Variants in UNC13C observed in about 807,000 individuals in gnomAD.
UNC13C encodes the protein protein unc-13 homolog C.
A neutral mutation model predicts 245.4 loss-of-function variants in UNC13C; 174 were observed. That is an observed-to-expected ratio of 0.71 (90% CI 0.63 to 0.80). The LOEUF (loss-of-function observed/expected upper bound fraction) is 0.80, where lower values mean the gene tolerates loss of function less well. Ranked by LOEUF, UNC13C falls within the 30% of genes least tolerant of loss-of-function variation. The pLI is 0.00. For synonymous variants in UNC13C, 992 were observed against 895.1 expected, an observed-to-expected ratio of 1.11 and a Z score of -1.93; for missense variants, 2,829 against 2,602.9, an observed-to-expected ratio of 1.09 and a Z score of -1.89.
chr15:54,174,279 G>C lies in UNC13C; in HGVS notation c.3071+30595G>C, dbSNP rs544444953. ...CTGAAACATTGTTTTCTCCTTAAGT[G>C]AGATTATTTTCTTGTTAAGTGATTG... On this transcript the variant is annotated intron_variant, in intron 4 of 32. Coordinates refer to ENST00000260323, the MANE Select transcript of UNC13C (RefSeq NM_001080534.3). 6.6e-4 allele frequency among the ~76,000 whole-genome samples: 101 copies of C among 152,186 alleles called. 1 individual carries two copies. Among genetic ancestry groups the C allele is most frequent in the African/African-American group, 2.4e-3 (99 of 41,530 alleles).
intron 2 of UNC13C, chr15:54,049,262 G>A (rs1897172325): frequency 5.7e-6 from 3 of 526,398 alleles, no homozygotes; most frequent in Non-Finnish European, 1.1e-5. Flanking sequence ...TGTGCATTCA[G>A]AATATGTGTT....
At chr15:54,366,180 T>G (rs1262136300) in intron 17 of UNC13C, among the ~76,000 whole-genome samples, 1 of 152,210 alleles carries the variant, frequency 6.6e-6, no homozygotes, top group East Asian at 1.9e-4. Flanking sequence ...ATTATGGTTA[T>G]TCTGTTATTT....
chr15:54,596,362 C>T (rs898654895), intron 30 of UNC13C, among the ~76,000 whole-genome samples: 1 of 151,458 alleles, frequency 6.6e-6, no homozygotes, highest in Non-Finnish European at 1.5e-5. Context: ...ACTATGGAGG[C>T]CAGCTTTGTT....
At chr15:54,219,844 A>C (rs2035166392) in intron 4 of UNC13C, among the ~76,000 whole-genome samples, 1 of 151,654 alleles carries the variant, frequency 6.6e-6, no homozygotes, top group Admixed American at 6.6e-5. Context: ...CACATGAAAA[A>C]ATGCTCATCA....
intron 19 of UNC13C, among the ~76,000 whole-genome samples, chr15:54,479,449 A>C (rs193231531): frequency 6.6e-6 from 1 of 152,008 alleles, no homozygotes; most frequent in Non-Finnish European, 1.5e-5. Flanking sequence ...CTTCACATTC[A>C]GTCTATATGT....
At chr15:54,285,998 C>T (rs1325409065) in intron 10 of UNC13C, among the ~76,000 whole-genome samples, 1 of 152,084 alleles carries the variant, frequency 6.6e-6, no homozygotes, top group East Asian at 1.9e-4. Context: ...CTGCCTTAGC[C>T]TCCTGAGTAG....
chr15:54,109,685 C>T (rs1192431883), intron 2 of UNC13C, among the ~76,000 whole-genome samples: 1 of 152,050 alleles, frequency 6.6e-6, no homozygotes, highest in African/African-American at 2.4e-5. Flanking sequence ...TACTTCACAA[C>T]TTTATTCAGA....
chr15:54,274,249 T>A (rs1284370862), intron 10 of UNC13C, among the ~76,000 whole-genome samples: 1 of 152,154 alleles, frequency 6.6e-6, no homozygotes, highest in Non-Finnish European at 1.5e-5. Flanking sequence ...AAGGTAATAT[T>A]TGAAAGCTGG....
intron 4 of UNC13C, among the ~76,000 whole-genome samples, chr15:54,169,497 G>A (rs7164985): frequency 0.44 from 66,929 of 151,856 alleles, 15,084 homozygotes; most frequent in East Asian, 0.58. Context: ...TCCAGGAGGC[G>A]TTCTTTGTAA....
intron 4 of UNC13C, among the ~76,000 whole-genome samples, 160 bp downstream of exon 4, chr15:54,143,844 AT>A (rs1023341748): frequency 5.3e-5 from 8 of 152,176 alleles, no homozygotes; most frequent in African/African-American, 1.4e-4. Context: ...TCTTAAAAAA[AT>A]GTAATACATG....
At chr15:53,964,832 G>T in the UNC13C span, among the ~76,000 whole-genome samples, 1 of 152,122 alleles carries the variant, frequency 6.6e-6, no homozygotes, top group Non-Finnish European at 1.5e-5. Flanking sequence ...CACTTTGGAG[G>T]ATCTGACAGC....
At chr15:53,841,096 ACCACCTACTGTGTG>A in the UNC13C span, among the ~76,000 whole-genome samples, 1 of 152,068 alleles carries the variant, frequency 6.6e-6, no homozygotes. Context: ...TGCCTTTTTG[ACCACCTACTGTGTG>A]CCACGCAATT....
intron 4 of UNC13C, among the ~76,000 whole-genome samples, chr15:54,198,156 A>G (rs576031354): frequency 1.3e-5 from 2 of 152,250 alleles, no homozygotes; most frequent in South Asian, 2.1e-4. Context: ...TATCCCACAC[A>G]GCACATTCAT....
rs1228936736 is a variant in UNC13C at position 54,237,645 on chromosome 15, C to T, written c.3183C>T (p.Leu1061=). The change falls in exon 7 of 33, where the codon CTC becomes CTT. Residue 1061 remains leucine, a synonymous_variant. Transcript: ENST00000260323. ...AMTLAARKSG[L]SLAMVIRTSL... is the part of the protein sequence containing the mutation. ...CCCTGGCTGCCCGGAAATCTGGACT[C>T]TCCCTGGCTATGGTGATTAGGACAT... 6.2e-7 allele frequency: 1 copy of T among 1,612,524 alleles called. No individual in the cohort carries two copies. Among genetic ancestry groups the T allele is most frequent in the Non-Finnish European group, 8.5e-7 (1 of 1,179,390 alleles).
In UNC13C at chr15:54,015,744, AAG is replaced by A; in HGVS notation, c.2845_2846del (p.Glu949ArgfsTer2). On this transcript the variant is annotated frameshift_variant, in exon 2 of 33. Coordinates refer to ENST00000260323, the MANE Select transcript of UNC13C (RefSeq NM_001080534.3). LOFTEE classifies it high-confidence loss of function. ...ATGAAACATCAGCTGAGATGGAAAT[AAG>A]AGAAGATGAAAACCAAAACATTCCT... Reference protein sequence around the residue: ...LNETSAEMEIREDENQNIPEQ... With the variant: ...LNETSAEMEIXEDENQNIPEQ... 6.2e-7 allele frequency: 1 copy of A among 1,613,402 alleles called. No homozygotes were observed. The highest frequency in any genetic ancestry group is 8.5e-7 in the Non-Finnish European group (1 of 1,179,634).
chr15:54,109,109 C>A (rs1900616580), intron 2 of UNC13C, among the ~76,000 whole-genome samples: 1 of 152,112 alleles, frequency 6.6e-6, no homozygotes, highest in African/African-American at 2.4e-5. Flanking sequence ...ACAGACGTTT[C>A]CTATTTGGGA....
rs372864193 is a variant in UNC13C, at chr15:54,316,980, T to C, written c.4269-4959T>C. Among the ~76,000 whole-genome samples the C allele has an allele frequency of 4.0e-5, 6 of 151,762 alleles. No individual in the cohort carries two copies. The East Asian group carries it at 5.8e-4, about 15-fold the overall frequency. ...AGACTATGTTTTAATCAACTCCACATCCTTACCATTAAGAAGAGTACCAGG... is the reference window on the plus strand; with the variant it reads ...AGACTATGTTTTAATCAACTCCACACCCTTACCATTAAGAAGAGTACCAGG... On this transcript the variant is annotated intron_variant, in intron 13 of 32. Transcript: ENST00000260323.
chr15:54,227,442 A>G (rs1432541305), intron 4 of UNC13C, among the ~76,000 whole-genome samples: 2 of 152,184 alleles, frequency 1.3e-5, no homozygotes, highest in African/African-American at 4.8e-5. Context: ...CATGGCACCC[A>G]GGCTGCTTGT....
chr15:54,143,127 T>C, intron 3 of UNC13C, 87 bp downstream of exon 3: 1 of 1,295,572 alleles, frequency 7.7e-7, no homozygotes, highest in Non-Finnish European at 1.1e-6. Flanking sequence ...GTTTGATTCC[T>C]CTGTTTTAGT....
Sources: gnomAD v4.1 joint callset for allele counts (sites outside exome capture counted in the v4.1 genomes callset) on GRCh38, gnomAD v4.1.1 for gene constraint, MANE v1.5 for transcripts, NCBI Gene and HGNC (gene_info 2026-07-23, HGNC 2026-07-21) for gene names.